The following KCND2 variants were observed in gnomAD, a reference collection of about 807,000 sequenced individuals.
The protein encoded by KCND2 is potassium voltage-gated channel subfamily D member 2.
KCND2 carries 16 observed loss-of-function variants against 54.4 expected under a neutral mutation model. That is an observed-to-expected ratio of 0.29 (90% CI 0.20 to 0.45). The LOEUF (loss-of-function observed/expected upper bound fraction) is 0.45, where lower values mean the gene tolerates loss of function less well. Ranked by LOEUF, KCND2 falls within the 20% of genes least tolerant of loss-of-function variation. The pLI, the probability that KCND2 is intolerant of heterozygous loss-of-function variation, is 1.00. For missense variants in KCND2, 486 were observed against 824.2 expected (o/e 0.59, Z 5.02); for synonymous variants, 317 against 310.7 (o/e 1.02, Z -0.21).
At chr7:120,739,342 T>A (rs1013791307) in intron 2 of KCND2, among the ~76,000 whole-genome samples, 28 of 152,028 alleles carry the variant, frequency 1.8e-4, no homozygotes, top group Non-Finnish European at 4.1e-4. Context: ...GAAACCAATA[T>A]ATAAATTGCT....
intron 5 of KCND2, 94 bp downstream of exon 5, chr7:120,746,121 C>T: frequency 7.1e-7 from 1 of 1,416,050 alleles, no homozygotes; most frequent in Admixed American, 1.7e-5. Flanking sequence ...GCATCTAAAT[C>T]CCTAGCTCCT....
intron 1 of KCND2, among the ~76,000 whole-genome samples, chr7:120,417,701 A>G (rs1801544507): frequency 1.3e-5 from 2 of 152,230 alleles, no homozygotes; most frequent in African/African-American, 4.8e-5. Context: ...TTTCTGAAAC[A>G]TTCAAATTTC....
rs778783764 is a variant in KCND2 at position 120,275,382 on chromosome 7, A to G, written c.750A>G (p.Ala250=). 2.0e-5 allele frequency: 33 copies of G among 1,613,822 alleles called. No homozygotes were observed. The highest frequency in any genetic ancestry group is 3.3e-5 in the Admixed American group (2 of 60,002). The change falls in exon 1 of 6, where the codon GCA becomes GCG. Residue 250 remains alanine (A), a synonymous_variant. Transcript: ENST00000331113. ...FTVEYLLRLA[A]APSRYRFVRS... ...TTGAGTATTTGCTTCGCCTGGCTGC[A>G]GCGCCTAGTCGTTACCGTTTTGTGC... is the stretch of plus-strand genomic sequence containing the variant.
chr7:120,670,191 C>A (rs541733027), intron 1 of KCND2, among the ~76,000 whole-genome samples: 3 of 152,134 alleles, frequency 2.0e-5, no homozygotes, highest in South Asian at 4.1e-4. Context: ...GGTAAGACTG[C>A]ATTTTGGCTT....
chr7:120,708,888 A>T (rs2116058426), intron 1 of KCND2, among the ~76,000 whole-genome samples: 1 of 152,270 alleles, frequency 6.6e-6, no homozygotes, highest in South Asian at 2.1e-4. Context: ...ATAAGGGTAG[A>T]GAGTCCTGTT....
At chr7:120,465,698 T>C (rs1461817120) in intron 1 of KCND2, among the ~76,000 whole-genome samples, 1 of 152,180 alleles carries the variant, frequency 6.6e-6, no homozygotes, top group Non-Finnish European at 1.5e-5. Context: ...TCTGAAAATC[T>C]TCAGAAGTAG....
intron 1 of KCND2, among the ~76,000 whole-genome samples, chr7:120,490,580 A>G (rs151105225): frequency 6.6e-6 from 1 of 152,270 alleles, no homozygotes; most frequent in East Asian, 1.9e-4. Context: ...CCAAAGGTGT[A>G]CATGGCTCAT....
chr7:120,379,056 A>G lies in KCND2; in HGVS notation c.1115+103309A>G, dbSNP rs375019497. Among the ~76,000 whole-genome samples the G allele has an allele frequency of 2.6e-5, 4 of 152,156 alleles. No homozygotes were observed. In the East Asian group the frequency reaches 5.8e-4, roughly 22 times the overall value. ...ATCTCTACTCATGCAAAATTTTTAT[A>G]TATGAAATGCTTAATATAAGTTTTC... is the stretch of plus-strand genomic sequence containing the variant. On this transcript the variant is annotated intron_variant, in intron 1 of 5. Transcript: ENST00000331113.
In KCND2 at chr7:120,575,469, G is replaced by C. The variant is rs75641013; in HGVS notation, c.1116-157434G>C. ...GAGCCACACTGGCAGCTGATTAGCT[G>C]TTCCCACCCAGATTGAGGGTGGGTC... On this transcript the variant is annotated intron_variant, in intron 1 of 5. Transcript: ENST00000331113. Among the ~76,000 whole-genome samples the C allele has an allele frequency of 4.2e-3, 636 of 152,228 alleles. 4 individuals carry two copies. Among genetic ancestry groups the C allele is most frequent in the African/African-American group, 0.014 (597 of 41,552 alleles).
At chr7:120,320,840 A>G (rs1042503109) in intron 1 of KCND2, among the ~76,000 whole-genome samples, 1 of 152,140 alleles carries the variant, frequency 6.6e-6, no homozygotes, top group South Asian at 2.1e-4. Context: ...ATCAAAATAC[A>G]AAAATGCAGG....
In KCND2 at chr7:120,441,253, T is replaced by C. The variant is rs550716920; in HGVS notation, c.1115+165506T>C. On this transcript the variant is annotated intron_variant, in intron 1 of 5. Coordinates refer to ENST00000331113, the MANE Select transcript of KCND2 (RefSeq NM_012281.3). ...TGTGCAAGTTATTTAACTTTTCTGT[T>C]ACATAGTTTGCTCATCTATGCTAGT... Among the ~76,000 whole-genome samples, 3 of 152,250 alleles carry C rather than the reference T, an allele frequency of 2.0e-5. No homozygotes were observed. In the South Asian group the frequency reaches 6.2e-4, roughly 32 times the overall value.
intron 1 of KCND2, among the ~76,000 whole-genome samples, chr7:120,628,794 T>C (rs1793192444): frequency 6.6e-6 from 1 of 152,190 alleles, no homozygotes; most frequent in Non-Finnish European, 1.5e-5. Context: ...ACTTCTATAA[T>C]TAAATCCATA....
chr7:120,530,141 T>C (rs1791825047), intron 1 of KCND2, among the ~76,000 whole-genome samples: 1 of 152,168 alleles, frequency 6.6e-6, no homozygotes, highest in African/African-American at 2.4e-5. Flanking sequence ...TTGACTATTG[T>C]CAATAATAGC....
intron 1 of KCND2, among the ~76,000 whole-genome samples, chr7:120,720,663 G>A (rs1792655538): frequency 6.6e-6 from 1 of 152,094 alleles, no homozygotes; most frequent in Non-Finnish European, 1.5e-5. Flanking sequence ...TTTCTGCGTT[G>A]AAAGACTGTT....
intron 1 of KCND2, among the ~76,000 whole-genome samples, chr7:120,710,436 T>C (rs976509901): frequency 2.4e-4 from 37 of 152,186 alleles, no homozygotes; most frequent in African/African-American, 8.7e-4. Context: ...TACAATCATA[T>C]AGCTGCAAAT....
chr7:120,563,320 T>A (rs1451429074), intron 1 of KCND2, among the ~76,000 whole-genome samples: 4 of 152,190 alleles, frequency 2.6e-5, no homozygotes, highest in Non-Finnish European at 5.9e-5. Context: ...CTATCTCAGA[T>A]TGCAACACTG....
At chr7:120,701,675 C>G (rs1158248397) in intron 1 of KCND2, among the ~76,000 whole-genome samples, 1 of 152,020 alleles carries the variant, frequency 6.6e-6, no homozygotes, top group Middle Eastern at 3.2e-3. Flanking sequence ...TGATCTTCGA[C>G]AAAGCTGACA....
At chr7:120,278,199 C>T (rs886942815) in intron 1 of KCND2, among the ~76,000 whole-genome samples, 1 of 151,934 alleles carries the variant, frequency 6.6e-6, no homozygotes, top group African/African-American at 2.4e-5. Context: ...CCTGAAGAAA[C>T]AGATTCTTAT....
At chr7:120,324,637 C>G (rs1311474346) in intron 1 of KCND2, among the ~76,000 whole-genome samples, 5 of 150,266 alleles carry the variant, frequency 3.3e-5, no homozygotes, top group African/African-American at 9.7e-5. Context: ...TCTGAGGGCT[C>G]TGTTCTGTTC....
Sources: gnomAD v4.1 joint callset for allele counts (sites outside exome capture counted in the v4.1 genomes callset) on GRCh38, gnomAD v4.1.1 for gene constraint, MANE v1.5 for transcripts, NCBI Gene and HGNC (gene_info 2026-07-23, HGNC 2026-07-21) for gene names.